Variants in KCNQ5 observed in about 807,000 individuals in gnomAD.
KCNQ5 encodes potassium voltage-gated channel subfamily KQT member 5.
KCNQ5 carries 30 observed loss-of-function variants against 98.2 expected under a neutral mutation model. The ratio of observed to expected loss-of-function variants is 0.31; its 90% confidence interval spans 0.23 to 0.41. The LOEUF is 0.41. Among genes scored for constraint, KCNQ5 ranks in the 10% least tolerant of loss-of-function variants. KCNQ5 has a pLI of 1.00. For missense variants in KCNQ5, 835 were observed against 1,182.5 expected, an observed-to-expected ratio of 0.71 and a Z score of 4.31; for synonymous variants, 458 against 449.4, an observed-to-expected ratio of 1.02 and a Z score of -0.24.
chr6:72,854,710 CTCTT>C (rs1777445419), intron 1 of KCNQ5, among the ~76,000 whole-genome samples: 2 of 136,774 alleles, frequency 1.5e-5, no homozygotes, highest in Non-Finnish European at 3.1e-5. Context: ...AACAACCTCT[CTCTT>C]TCTTTGTACA....
chr6:73,025,725 G>A (rs1437239862), intron 2 of KCNQ5, among the ~76,000 whole-genome samples: 3 of 150,598 alleles, frequency 2.0e-5, no homozygotes, highest in Non-Finnish European at 4.4e-5. Context: ...ATATAAGATG[G>A]TTCTTCCCAT....
At chr6:73,176,700 A>G (rs931378945) in intron 11 of KCNQ5, among the ~76,000 whole-genome samples, 1 of 152,084 alleles carries the variant, frequency 6.6e-6, no homozygotes, top group African/African-American at 2.4e-5. Flanking sequence ...ATTGGAGAGG[A>G]TGGAGGGAAA....
chr6:72,970,029 T>C (rs757698705), intron 1 of KCNQ5, among the ~76,000 whole-genome samples: 2 of 152,072 alleles, frequency 1.3e-5, no homozygotes, highest in Non-Finnish European at 2.9e-5. Context: ...GAGGCTGAGG[T>C]GGGAGGATTC....
intron 1 of KCNQ5, among the ~76,000 whole-genome samples, chr6:72,647,315 C>A (rs1316342005): frequency 6.6e-6 from 1 of 151,820 alleles, no homozygotes; most frequent in Non-Finnish European, 1.5e-5. Flanking sequence ...TGAAAGAATG[C>A]CATTAGTTGG....
At chr6:72,871,525 A>G (rs1778205841) in intron 1 of KCNQ5, among the ~76,000 whole-genome samples, 1 of 152,206 alleles carries the variant, frequency 6.6e-6, no homozygotes, top group South Asian at 2.1e-4. Flanking sequence ...ATAGCTACTC[A>G]CTAAAGTTAG....
rs67894922 is a variant in KCNQ5, at chr6:72,838,949, C to CAAAAAAAAA, written c.399-164944_399-164936dup. ...TGGGCGACAGAGCGAGACTCCGTCT[C>CAAAAAAAAA]AAAAAAAAAAAAAAAAAAAAAAAGA... On this transcript the variant is annotated intron_variant, in intron 1 of 13. Coordinates refer to ENST00000370398, the MANE Select transcript of KCNQ5 (RefSeq NM_019842.4). Among the ~76,000 whole-genome samples, 139 of 58,676 alleles carry CAAAAAAAAA rather than the reference C, an allele frequency of 2.4e-3. 4 individuals carry two copies. Among genetic ancestry groups the CAAAAAAAAA allele is most frequent in the Non-Finnish European group, 3.2e-3 (100 of 30,928 alleles). The allele number at this position is 58,676 out of a possible 152,430, so 38.5% of individuals were successfully genotyped here. A position where few individuals can be genotyped will look rare whatever the true frequency, so the allele number is the denominator to read the frequency against.
chr6:72,941,328 C>CCTTCCTTCCTTCCTTT, intron 1 of KCNQ5, among the ~76,000 whole-genome samples: 1 of 42,128 alleles, frequency 2.4e-5, no homozygotes, highest in African/African-American at 3.6e-5. Context: ...TTCTTTCCTT[C>CCTTCCTTCCTTCCTTT]CTTCCTTCCT....
At chr6:72,712,963 A>G (rs1453847615) in intron 1 of KCNQ5, among the ~76,000 whole-genome samples, 1 of 152,132 alleles carries the variant, frequency 6.6e-6, no homozygotes, top group Non-Finnish European at 1.5e-5. Flanking sequence ...GTGGCAACAA[A>G]AACTTTCTCT....
In KCNQ5 at chr6:72,679,490, G is replaced by T. The variant is rs559786652; in HGVS notation, c.398+56903G>T. The stretch of plus-strand genomic sequence containing the variant: ...TCGCAAGAACAAAAAACCAAACACC[G>T]CATATTCTCACTCATAGGTGGGAAT... On this transcript the variant is annotated intron_variant, in intron 1 of 13. Coordinates refer to ENST00000370398, the MANE Select transcript of KCNQ5 (RefSeq NM_019842.4). Among the ~76,000 whole-genome samples the T allele has an allele frequency of 1.5e-3, 223 of 147,938 alleles. 1 individual carries two copies. Among genetic ancestry groups the T allele is most frequent in the African/African-American group, 5.2e-3 (209 of 40,184 alleles).
chr6:73,071,377 A>G (rs534650466), intron 3 of KCNQ5, among the ~76,000 whole-genome samples: 26 of 152,320 alleles, frequency 1.7e-4, no homozygotes, highest in Non-Finnish European at 3.7e-4. Flanking sequence ...CTAAAAATAA[A>G]TGTACAGGAC....
chr6:72,963,009 CTAATGTT>C (rs1449716930), intron 1 of KCNQ5, among the ~76,000 whole-genome samples: 2 of 151,964 alleles, frequency 1.3e-5, no homozygotes, highest in Non-Finnish European at 2.9e-5. Context: ...AATCCTAGTT[CTAATGTT>C]TATAAGCTGA....
At chr6:72,984,314 G>A in intron 1 of KCNQ5, among the ~76,000 whole-genome samples, 1 of 152,216 alleles carries the variant, frequency 6.6e-6, no homozygotes. Context: ...CCTGCCCCCA[G>A]AGGTGGAGTC....
chr6:73,193,305 C>CAGAGTG (rs1403700153), intron 13 of KCNQ5, among the ~76,000 whole-genome samples: 1 of 151,554 alleles, frequency 6.6e-6, no homozygotes, highest in Non-Finnish European at 1.5e-5. Flanking sequence ...CAGGCGTGAG[C>CAGAGTG]CATAGCACTC....
intron 1 of KCNQ5, among the ~76,000 whole-genome samples, chr6:72,759,267 G>A (rs754735994): frequency 1.3e-5 from 2 of 152,122 alleles, no homozygotes; most frequent in South Asian, 4.1e-4. Flanking sequence ...ATAAATTTTT[G>A]GAGCTGTAAG....
At chr6:72,846,913 A>C (rs1777046098) in intron 1 of KCNQ5, among the ~76,000 whole-genome samples, 1 of 152,184 alleles carries the variant, frequency 6.6e-6, no homozygotes, top group Non-Finnish European at 1.5e-5. Flanking sequence ...TGAGGATCCT[A>C]TTCATTTGGA....
chr6:72,984,534 C>T (rs1232001125), intron 1 of KCNQ5, among the ~76,000 whole-genome samples: 2 of 152,240 alleles, frequency 1.3e-5, no homozygotes, highest in African/African-American at 4.8e-5. Context: ...GGGATATACT[C>T]TCCTGGTTTG....
intron 1 of KCNQ5, among the ~76,000 whole-genome samples, chr6:72,892,621 C>A (rs566565614): frequency 1.3e-5 from 2 of 151,858 alleles, no homozygotes; most frequent in East Asian, 3.9e-4. Flanking sequence ...CAACAGGAAA[C>A]AAAGCTCCTT....
At chr6:73,087,627 G>T (rs993559782) in intron 5 of KCNQ5, among the ~76,000 whole-genome samples, 1 of 151,916 alleles carries the variant, frequency 6.6e-6, no homozygotes, top group Non-Finnish European at 1.5e-5. Flanking sequence ...GAAAAGAAAG[G>T]AAAGTCTAAG....
At chr6:72,825,806 G>A (rs1279170456) in intron 1 of KCNQ5, among the ~76,000 whole-genome samples, 1 of 152,136 alleles carries the variant, frequency 6.6e-6, no homozygotes, top group Admixed American at 6.6e-5. Flanking sequence ...TTTGTCAAAT[G>A]AATGAATGAT....
Sources: gnomAD v4.1 joint callset for allele counts (sites outside exome capture counted in the v4.1 genomes callset) on GRCh38, gnomAD v4.1.1 for gene constraint, MANE v1.5 for transcripts, NCBI Gene and HGNC (gene_info 2026-07-23, HGNC 2026-07-21) for gene names.